The following NDUFA9 variants were observed in gnomAD, a reference collection of about 807,000 sequenced individuals.
NDUFA9 encodes the protein NADH dehydrogenase [ubiquinone] 1 alpha subcomplex subunit 9, mitochondrial.
NDUFA9 carries 23 observed loss-of-function variants against 45.9 expected under a neutral mutation model. The ratio of observed to expected loss-of-function variants is 0.50; its 90% confidence interval spans 0.36 to 0.71. NDUFA9 has a LOEUF of 0.71. NDUFA9 is among the 30% of genes least tolerant of loss of function. The pLI is 0.00. For missense variants in NDUFA9, 466 were observed against 488.2 expected (o/e 0.95, Z 0.43); for synonymous variants, 176 against 170.5 (o/e 1.03, Z -0.25).
At chr12:4,667,872 T>G (rs1474245179) in intron 6 of NDUFA9, among the ~76,000 whole-genome samples, 2 of 152,170 alleles carry the variant, frequency 1.3e-5, no homozygotes, top group Non-Finnish European at 2.9e-5. Flanking sequence ...CAAAAAAAAC[T>G]TTTTTAACCT....
chr12:4,665,753 T>G (rs1403311606), intron 6 of NDUFA9, among the ~76,000 whole-genome samples: 2 of 151,876 alleles, frequency 1.3e-5, no homozygotes, highest in Non-Finnish European at 2.9e-5. Flanking sequence ...TCTGTTTTTT[T>G]TTTTTTTTAT....
chr12:4,667,432 A>G (rs1945859309), intron 6 of NDUFA9: 2 of 160,750 alleles, frequency 1.2e-5, no homozygotes, highest in South Asian at 1.3e-4. Flanking sequence ...GGTTTTCAGC[A>G]TATGTGTCTT....
rs188759863 is a variant in NDUFA9 at position 4,657,906 on chromosome 12, G to A, written c.410+67G>A. The stretch of plus-strand genomic sequence containing the variant: ...TTAGGGTTTAATGGACCTTCGCTGG[G>A]CACCTTTTATGTGCCAGCTATCACA... On this transcript the variant is annotated intron_variant, in intron 4 of 10. Coordinates refer to ENST00000266544, the MANE Select transcript of NDUFA9 (RefSeq NM_005002.5). 5.2e-5 allele frequency: 65 copies of A among 1,253,042 alleles called. No homozygotes were observed. The African/African-American group carries it at 9.3e-4, about 18-fold the overall frequency. The allele number at this position is 1,253,042 out of a possible 1,614,324, so 77.6% of individuals were successfully genotyped here.
chr12:4,672,458 G>C (rs1229020031), intron 8 of NDUFA9, among the ~76,000 whole-genome samples: 1 of 152,216 alleles, frequency 6.6e-6, no homozygotes, highest in African/African-American at 2.4e-5. Flanking sequence ...CACCCCCACA[G>C]AGCCCAGCAA....
intron 8 of NDUFA9, among the ~76,000 whole-genome samples, chr12:4,674,282 A>T (rs1258069642): frequency 6.6e-6 from 1 of 152,230 alleles, no homozygotes; most frequent in Non-Finnish European, 1.5e-5. Context: ...ATAACCAGCT[A>T]GCATCATAAT....
intron 8 of NDUFA9, 83 bp downstream of exon 8, chr12:4,669,900 T>A: frequency 9.6e-7 from 1 of 1,040,688 alleles, no homozygotes; most frequent in Non-Finnish European, 1.5e-6. Context: ...CAGATTTATT[T>A]GTTGCACTTT....
At chr12:4,667,332 A>G (rs1156893128) in intron 6 of NDUFA9, among the ~76,000 whole-genome samples, 1 of 152,134 alleles carries the variant, frequency 6.6e-6, no homozygotes, top group Non-Finnish European at 1.5e-5. Context: ...AACCATAGCA[A>G]CATCCTAACA....
chr12:4,653,433 C>T, intron 1 of NDUFA9: 1 of 284,246 alleles, frequency 3.5e-6, no homozygotes, highest in Non-Finnish European at 6.9e-6. Flanking sequence ...AGTGAGTTTC[C>T]CAACTCCACA....
chr12:4,661,364 G>A (rs1377808448), intron 5 of NDUFA9, among the ~76,000 whole-genome samples: 3 of 152,162 alleles, frequency 2.0e-5, no homozygotes, highest in African/African-American at 2.4e-5. Context: ...ATTGTCTCAT[G>A]GGAAAGTAAG....
chr12:4,662,280 CT>C (rs1945827464), intron 5 of NDUFA9, among the ~76,000 whole-genome samples: 1 of 152,150 alleles, frequency 6.6e-6, no homozygotes, highest in Admixed American at 6.5e-5. Context: ...GATTTTTCTC[CT>C]TCTTCAATGT....
chr12:4,657,537 C>CTGTT (rs766887735), intron 3 of NDUFA9: 8 of 528,234 alleles, frequency 1.5e-5, no homozygotes, highest in Non-Finnish European at 2.7e-5. Flanking sequence ...GTAAAGTGTA[C>CTGTT]TGTTACCTGT....
intron 8 of NDUFA9, among the ~76,000 whole-genome samples, chr12:4,671,922 G>A (rs920845572): frequency 2.6e-5 from 4 of 152,190 alleles, no homozygotes; most frequent in African/African-American, 9.7e-5. Context: ...AGACTTCAGT[G>A]TAAGAGTTAT....
chr12:4,670,615 C>G (rs1449373054), intron 8 of NDUFA9, among the ~76,000 whole-genome samples: 1 of 152,200 alleles, frequency 6.6e-6, no homozygotes, highest in Non-Finnish European at 1.5e-5. Context: ...TCCCAGAATT[C>G]TGAATCTATA....
At chr12:4,664,885 C>T (rs1445906627) in intron 6 of NDUFA9, among the ~76,000 whole-genome samples, 1 of 152,170 alleles carries the variant, frequency 6.6e-6, no homozygotes, top group Non-Finnish European at 1.5e-5. Flanking sequence ...TTTGGACTTA[C>T]TTGGGAGTTG....
chr12:4,663,323 A>T (rs947551097), intron 6 of NDUFA9, among the ~76,000 whole-genome samples: 3 of 152,180 alleles, frequency 2.0e-5, no homozygotes, highest in Non-Finnish European at 2.9e-5. Context: ...GGCAAAATAT[A>T]CATAGTATAA....
At chr12:4,654,773 T>C in intron 2 of NDUFA9, 52 bp from the exon 3 acceptor site, 1 of 1,327,262 alleles carries the variant, frequency 7.5e-7, no homozygotes, top group Non-Finnish European at 1.1e-6. Context: ...AATTGTATAA[T>C]ATATCCACAT....
chr12:4,653,720 T>TA, intron 1 of NDUFA9: 1 of 384,698 alleles, frequency 2.6e-6, no homozygotes, highest in South Asian at 2.0e-5. Context: ...TTTTTTTTTT[T>TA]AATGTTCTGT....
rs533077154 is a variant in NDUFA9 at position 4,687,325 on chromosome 12, T to G, written c.*217T>G. 4 of 396,180 alleles carry G rather than the reference T, an allele frequency of 1.0e-5. No individual in the cohort carries two copies. The highest frequency in any genetic ancestry group is 8.5e-5 in the East Asian group (2 of 23,630). 24.5% of individuals were successfully genotyped at this position (396,180 alleles called of 1,614,324 possible). ...TTTTGTTAAACATATTTAATAATGA[T>G]ATATATACTATTTATTCTCTGAAAT... On this transcript the variant is annotated 3_prime_UTR_variant, in exon 11 of 11. Transcript: ENST00000266544.
At chr12:4,650,886 G>A (rs1036719027) in intron 1 of NDUFA9, among the ~76,000 whole-genome samples, 1 of 152,166 alleles carries the variant, frequency 6.6e-6, no homozygotes, top group Admixed American at 6.5e-5. Flanking sequence ...AAAGGAGGTT[G>A]AATGTGTTAG....
Sources: allele counts gnomAD v4.1 joint callset (sites outside exome capture counted in the v4.1 genomes callset), GRCh38; gene constraint gnomAD v4.1.1; transcripts MANE v1.5; gene names NCBI Gene and HGNC (gene_info 2026-07-23, HGNC 2026-07-21).